ATRN: variants seen among roughly 807,000 people sequenced by gnomAD.
The protein encoded by ATRN is attractin.
Under a neutral mutation model 178.7 loss-of-function variants are expected in ATRN, and 54 were observed. That is an observed-to-expected ratio of 0.30 (90% CI 0.24 to 0.38). The LOEUF (loss-of-function observed/expected upper bound fraction) is 0.38, where lower values mean the gene tolerates loss of function less well. ATRN is among the 10% of genes least tolerant of loss of function. The probability of loss-of-function intolerance (pLI) is 1.00; values close to 1 mark genes in which losing one functional copy is unlikely to be tolerated. For synonymous variants in ATRN, 636 were observed against 663.0 expected, an observed-to-expected ratio of 0.96 and a Z score of 0.63; for missense variants, 1,443 against 1,815.1, an observed-to-expected ratio of 0.79 and a Z score of 3.73.
At chr20:3,554,099 C>T (rs575736311) in intron 6 of ATRN, among the ~76,000 whole-genome samples, 1 of 151,990 alleles carries the variant, frequency 6.6e-6, no homozygotes, top group Non-Finnish European at 1.5e-5. Flanking sequence ...TTAATATCAC[C>T]TATTACTTTT....
chr20:3,547,362 A>C lies in ATRN; in HGVS notation c.816A>C (p.Glu272Asp), dbSNP rs2085719249. ...ISNSSDTVEC[E>D]CSENWKGEAC... ...ATAGCAGCGATACTGTTGAATGTGA[A>C]TGTTCTGAAAACTGGAAAGGTGAAG... is the stretch of plus-strand genomic sequence containing the variant. Residue 272 changes from glutamate to aspartate, a missense_variant, in exon 5 of 29, where the codon GAA (glutamate) becomes GAC (aspartate). Coordinates refer to ENST00000262919, the MANE Select transcript of ATRN (RefSeq NM_139321.3). The C allele has an allele frequency of 1.2e-6, 2 of 1,614,108 alleles. No individual in the cohort carries two copies. The highest frequency in any genetic ancestry group is 1.7e-6 in the Non-Finnish European group (2 of 1,179,948).
chr20:3,646,039 AC>A (rs1241609457), intron 28 of ATRN, among the ~76,000 whole-genome samples: 1 of 152,208 alleles, frequency 6.6e-6, no homozygotes, highest in African/African-American at 2.4e-5. Context: ...CGCGCCAGAT[AC>A]TAAGACTTTA....
chr20:3,471,164 G>A lies in ATRN; in HGVS notation c.57G>A (p.Thr19=). The change falls in exon 1 of 29, where the codon ACG becomes ACA. Residue 19 remains threonine (T), a synonymous_variant. Transcript: ENST00000262919. ...GGCTGAGGAGGAGGACGGCGGCGACGGCAGCGCTCGCGGGCAGGAGCGGCG... is the reference window on the plus strand; with the variant it reads ...GGCTGAGGAGGAGGACGGCGGCGACAGCAGCGCTCGCGGGCAGGAGCGGCG... ...EARLRRRTAA[T]AALAGRSGGP... 2.7e-6 allele frequency: 4 copies of A among 1,504,574 alleles called. No individual in the cohort carries two copies. The highest frequency in any genetic ancestry group is 3.5e-6 in the Non-Finnish European group (4 of 1,133,574). The allele number at this position is 1,504,574 out of a possible 1,614,324, so 93.2% of individuals were successfully genotyped here. A position where few individuals can be genotyped will look rare whatever the true frequency, so the allele number is the denominator to read the frequency against.
At chr20:3,596,987 T>C (rs1042027858) in intron 21 of ATRN, among the ~76,000 whole-genome samples, 1 of 150,574 alleles carries the variant, frequency 6.6e-6, no homozygotes, top group Non-Finnish European at 1.5e-5. Context: ...ATTGTAATTA[T>C]ATACCTGCTG....
At chr20:3,584,508 A>G (rs957441664) in intron 17 of ATRN, 139 bp from the exon 18 acceptor site, 4 of 687,314 alleles carry the variant, frequency 5.8e-6, no homozygotes, top group Admixed American at 2.9e-5. Context: ...GGCTCTTTAC[A>G]TTCATTATCT....
chr20:3,626,681 C>G (rs778090895), intron 25 of ATRN, among the ~76,000 whole-genome samples: 1 of 152,108 alleles, frequency 6.6e-6, no homozygotes, highest in South Asian at 2.1e-4. Flanking sequence ...TGTGTTTCCC[C>G]TCACTCACAA....
At chr20:3,566,956 T>C (rs756769228) in intron 11 of ATRN, among the ~76,000 whole-genome samples, 30 of 144,710 alleles carry the variant, frequency 2.1e-4, no homozygotes, top group Non-Finnish European at 4.2e-4. Flanking sequence ...ATTTTGGAGA[T>C]GTTGTGAAGG....
chr20:3,603,356 A>C (rs1269318981), intron 23 of ATRN, among the ~76,000 whole-genome samples: 1 of 152,192 alleles, frequency 6.6e-6, no homozygotes, highest in Non-Finnish European at 1.5e-5. Context: ...TGGTGTGGGC[A>C]AAGTGAATGC....
chr20:3,490,980 C>T (rs1039036877), intron 1 of ATRN: 40 of 1,537,610 alleles, frequency 2.6e-5, no homozygotes, highest in Middle Eastern at 4.5e-4. Flanking sequence ...ATGATAGCGC[C>T]GCTGCTGCTC....
At chr20:3,522,336 A>G (rs764800039) in intron 1 of ATRN, among the ~76,000 whole-genome samples, 2 of 152,246 alleles carry the variant, frequency 1.3e-5, no homozygotes, top group South Asian at 2.1e-4. Context: ...TAAATGTTCT[A>G]AATTTCCATA....
chr20:3,643,379 A>C (rs957415962), intron 27 of ATRN, among the ~76,000 whole-genome samples: 3 of 152,114 alleles, frequency 2.0e-5, no homozygotes, highest in African/African-American at 7.2e-5. Flanking sequence ...TGTTACACTA[A>C]TATAAGCTGG....
intron 1 of ATRN, among the ~76,000 whole-genome samples, chr20:3,519,075 G>A (rs6037613): frequency 0.05 from 7,507 of 150,664 alleles, 565 homozygotes; most frequent in African/African-American, 0.17. Flanking sequence ...AGAGAGAACT[G>A]GTGTATAGCT....
chr20:3,589,106 C>G (rs1600135529), intron 18 of ATRN, among the ~76,000 whole-genome samples: 1 of 151,766 alleles, frequency 6.6e-6, no homozygotes, highest in East Asian at 1.9e-4. Flanking sequence ...CCTCAGCCCC[C>G]CAAGTAGCTG....
chr20:3,512,115 T>A (rs2085141321), intron 1 of ATRN, among the ~76,000 whole-genome samples: 1 of 133,972 alleles, frequency 7.5e-6, no homozygotes, highest in African/African-American at 2.9e-5. Flanking sequence ...ATATTTTTTT[T>A]TTTTATTATA....
At chr20:3,540,627 C>T (rs1366087098) in intron 3 of ATRN, among the ~76,000 whole-genome samples, 1 of 152,118 alleles carries the variant, frequency 6.6e-6, no homozygotes, top group African/African-American at 2.4e-5. Flanking sequence ...TGAAGTTTAT[C>T]ATTACAAAAT....
chr20:3,643,776 ACTAT>A (rs1245597046), intron 27 of ATRN, among the ~76,000 whole-genome samples: 2 of 152,218 alleles, frequency 1.3e-5, no homozygotes, highest in Non-Finnish European at 2.9e-5. Context: ...GGTATGCAGA[ACTAT>A]CTGACAAATC....
intron 1 of ATRN, among the ~76,000 whole-genome samples, chr20:3,505,804 T>G (rs1339665135): frequency 6.6e-6 from 1 of 152,094 alleles, no homozygotes; most frequent in Admixed American, 6.5e-5. Flanking sequence ...ATTGATTTAA[T>G]AAAAAAGCAG....
At chr20:3,541,547 G>A (rs1015374999) in intron 3 of ATRN, among the ~76,000 whole-genome samples, 1 of 152,126 alleles carries the variant, frequency 6.6e-6, no homozygotes, top group Non-Finnish European at 1.5e-5. Flanking sequence ...TTGTACCTAG[G>A]CCACAAATCT....
At chr20:3,517,361 G>T (rs1285708506) in intron 1 of ATRN, among the ~76,000 whole-genome samples, 2 of 152,022 alleles carry the variant, frequency 1.3e-5, no homozygotes, top group Non-Finnish European at 2.9e-5. Flanking sequence ...ACACCAAAGT[G>T]CATATGTGGT....
Sources: gnomAD v4.1 joint callset for allele counts (sites outside exome capture counted in the v4.1 genomes callset) on GRCh38, gnomAD v4.1.1 for gene constraint, MANE v1.5 for transcripts, NCBI Gene and HGNC (gene_info 2026-07-23, HGNC 2026-07-21) for gene names.